ARPP21: variants seen among roughly 807,000 people sequenced by gnomAD.
ARPP21 encodes cAMP-regulated phosphoprotein 21.
A neutral mutation model predicts 113.2 loss-of-function variants in ARPP21; 69 were observed. The ratio of observed to expected loss-of-function variants is 0.61; its 90% confidence interval spans 0.50 to 0.74. The LOEUF (loss-of-function observed/expected upper bound fraction) is 0.74, where lower values mean the gene tolerates loss of function less well. Ranked by LOEUF, ARPP21 falls within the 30% of genes least tolerant of loss-of-function variation. The pLI, the probability that ARPP21 is intolerant of heterozygous loss-of-function variation, is 0.00. For missense variants in ARPP21, 1,070 were observed against 1,037.4 expected (o/e 1.03, Z -0.43); for synonymous variants, 368 against 375.5 (o/e 0.98, Z 0.23).
chr3:35,685,434 C>T (rs2080263834), intron 5 of ARPP21: 2 of 984,330 alleles, frequency 2.0e-6, no homozygotes, highest in Non-Finnish European at 2.4e-6. Flanking sequence ...AAGCAAGTGG[C>T]CGTGCTACCT....
intron 19 of ARPP21, among the ~76,000 whole-genome samples, chr3:35,790,653 C>T (rs2670350): frequency 6.6e-6 from 1 of 152,172 alleles, no homozygotes; most frequent in Non-Finnish European, 1.5e-5. Context: ...AAACTTCAAA[C>T]ACTGTAGGTA....
At chr3:35,660,125 T>G (rs898089947) in intron 1 of ARPP21, among the ~76,000 whole-genome samples, 9 of 152,166 alleles carry the variant, frequency 5.9e-5, no homozygotes, top group Non-Finnish European at 1.0e-4. Flanking sequence ...TTCCCCTTTT[T>G]GACATAGAGC....
intron 9 of ARPP21, among the ~76,000 whole-genome samples, chr3:35,701,403 G>T (rs1410156391): frequency 6.6e-6 from 1 of 151,644 alleles, no homozygotes; most frequent in Non-Finnish European, 1.5e-5. Context: ...TAAACTTGAA[G>T]AAATAAGTCT....
At chr3:35,752,839 T>A (rs969559488) in intron 19 of ARPP21, among the ~76,000 whole-genome samples, 1 of 152,134 alleles carries the variant, frequency 6.6e-6, no homozygotes, top group African/African-American at 2.4e-5. Flanking sequence ...TTTCACATTA[T>A]TTGTATTAGG....
At chr3:35,668,019 A>AG (rs1491511835) in intron 1 of ARPP21, among the ~76,000 whole-genome samples, 27 of 150,424 alleles carry the variant, frequency 1.8e-4, no homozygotes, top group Admixed American at 1.2e-3. Flanking sequence ...AAGAAGAAGA[A>AG]GAAGAAGAAG....
intron 8 of ARPP21, 47 bp from the exon 9 acceptor site, chr3:35,690,818 C>A: frequency 1.3e-6 from 2 of 1,558,524 alleles, no homozygotes; most frequent in South Asian, 1.2e-5. Flanking sequence ...GTATTATGGG[C>A]AAAAAATGAA....
chr3:35,747,656 G>A (rs1342776795), intron 19 of ARPP21, among the ~76,000 whole-genome samples: 1 of 152,094 alleles, frequency 6.6e-6, no homozygotes, highest in Non-Finnish European at 1.5e-5. Flanking sequence ...GGTGGTACTT[G>A]CCAGTAGTCC....
At chr3:35,646,396 C>T (rs571044759) in intron 1 of ARPP21, among the ~76,000 whole-genome samples, 25 of 152,030 alleles carry the variant, frequency 1.6e-4, no homozygotes, top group Non-Finnish European at 3.4e-4. Flanking sequence ...GAAATCCCAG[C>T]GTTGCTAGCA....
intron 13 of ARPP21, among the ~76,000 whole-genome samples, chr3:35,720,888 T>G (rs573155003): frequency 1.2e-3 from 179 of 152,342 alleles, no homozygotes; most frequent in African/African-American, 4.2e-3. Context: ...GTTATTTCCA[T>G]TGTTCCCCTT....
intron 19 of ARPP21, among the ~76,000 whole-genome samples, chr3:35,747,961 A>G (rs555307108): frequency 2.0e-5 from 3 of 147,614 alleles, no homozygotes; most frequent in Admixed American, 6.8e-5. Flanking sequence ...GAAAGAAAGA[A>G]AGAGAGAGAG....
At position 35,793,943 on chromosome 3, in the gene ARPP21, G is replaced by A. The variant is rs1372238455; in HGVS notation, c.2529G>A (p.Trp843Ter). 6.2e-7 allele frequency: 1 copy of A among 1,613,612 alleles called. No individual in the cohort carries two copies. The highest frequency in any genetic ancestry group is 8.5e-7 in the Non-Finnish European group (1 of 1,179,738). ...TNCASMSNAG[W>*]QVKF ...GTGCAAGTATGAGCAATGCTGGTTGGCAGGTCAAATTCTGAGAGCTCTGGC... is the reference window on the plus strand; with the variant it reads ...GTGCAAGTATGAGCAATGCTGGTTGACAGGTCAAATTCTGAGAGCTCTGGC... The change falls in exon 21 of 21, where the codon TGG (tryptophan) becomes TGA (stop). Residue 843 changes from tryptophan (W) to a stop codon, truncating the protein, a stop_gained. Coordinates refer to ENST00000684406, the MANE Select transcript of ARPP21 (RefSeq NM_001385562.1). LOFTEE classifies it high-confidence loss of function.
intron 19 of ARPP21, among the ~76,000 whole-genome samples, chr3:35,760,448 C>T (rs1251699066): frequency 2.6e-5 from 4 of 151,664 alleles, no homozygotes; most frequent in African/African-American, 9.7e-5. Flanking sequence ...TTGGGGGATG[C>T]GAGATTCTCC....
chr3:35,709,219 G>A (rs947669600), intron 11 of ARPP21, 149 bp downstream of exon 11: 7 of 634,456 alleles, frequency 1.1e-5, no homozygotes, highest in Admixed American at 2.9e-5. Flanking sequence ...GATTTTGGAA[G>A]AGGATCTGGT....
rs750482029 is a variant in ARPP21, at chr3:35,765,535, T to G, written c.2137+21570T>G. 5.3e-5 allele frequency among the ~76,000 whole-genome samples: 8 copies of G among 152,248 alleles called. No individual in the cohort carries two copies. In the East Asian group the frequency reaches 1.5e-3, roughly 29 times the overall value. ...AGCTTTCTTGTCAGTTGAGCATAGC[T>G]GGGATACAATTTTGCACACACCTTC... On this transcript the variant is annotated intron_variant, in intron 19 of 20. Coordinates refer to ENST00000684406, the MANE Select transcript of ARPP21 (RefSeq NM_001385562.1).
At chr3:35,762,126 TCACACACACA>T (rs371775285) in intron 19 of ARPP21, among the ~76,000 whole-genome samples, 1 of 126,956 alleles carries the variant, frequency 7.9e-6, no homozygotes, top group Non-Finnish European at 1.8e-5. Context: ...TCTCTCTCTC[TCACACACACA>T]CACACACACA....
chr3:35,785,834 A>G (rs907285301), intron 19 of ARPP21, among the ~76,000 whole-genome samples: 1 of 152,262 alleles, frequency 6.6e-6, no homozygotes, highest in African/African-American at 2.4e-5. Context: ...TAGACAGGCC[A>G]TTACTAGGAT....
At chr3:35,734,003 T>C (rs2094175016) in intron 15 of ARPP21, among the ~76,000 whole-genome samples, 1 of 152,244 alleles carries the variant, frequency 6.6e-6, no homozygotes, top group South Asian at 2.1e-4. Flanking sequence ...CATACTTCCT[T>C]AGTTTTCATT....
intron 9 of ARPP21, among the ~76,000 whole-genome samples, chr3:35,706,562 T>C (rs1407544454): frequency 2.6e-5 from 4 of 152,224 alleles, no homozygotes; most frequent in Non-Finnish European, 4.4e-5. Context: ...ATAGAAGATA[T>C]TCTGCCAGTT....
chr3:35,737,855 A>T (rs1576460447), intron 16 of ARPP21, among the ~76,000 whole-genome samples: 1 of 152,234 alleles, frequency 6.6e-6, no homozygotes, highest in African/African-American at 2.4e-5. Context: ...TGCTGGGAAG[A>T]CACAGATGCG....
Sources: allele counts gnomAD v4.1 joint callset (sites outside exome capture counted in the v4.1 genomes callset), GRCh38; gene constraint gnomAD v4.1.1; transcripts MANE v1.5; gene names NCBI Gene and HGNC (gene_info 2026-07-23, HGNC 2026-07-21).